Variants in CDKAL1 observed in about 807,000 individuals in gnomAD.
The protein encoded by CDKAL1 is CDKAL1 threonylcarbamoyladenosine tRNA methylthiotransferase.
Under a neutral mutation model 68.2 loss-of-function variants are expected in CDKAL1, and 32 were observed. That is an observed-to-expected ratio of 0.47 (90% CI 0.35 to 0.63). CDKAL1 has a LOEUF of 0.63. Among genes scored for constraint, CDKAL1 ranks in the 30% least tolerant of loss-of-function variants. The pLI, the probability that CDKAL1 is intolerant of heterozygous loss-of-function variation, is 0.00. For synonymous variants in CDKAL1, 234 were observed against 244.3 expected, an observed-to-expected ratio of 0.96 and a Z score of 0.39; for missense variants, 606 against 696.7, an observed-to-expected ratio of 0.87 and a Z score of 1.47.
intron 11 of CDKAL1, among the ~76,000 whole-genome samples, chr6:21,001,642 C>T (rs1367641783): frequency 1.3e-5 from 2 of 152,286 alleles, no homozygotes; most frequent in East Asian, 3.9e-4. Flanking sequence ...AAATCTTGAA[C>T]AGAACTGTGT....
At chr6:21,111,012 G>A (rs1206147248) in intron 13 of CDKAL1, among the ~76,000 whole-genome samples, 2 of 152,054 alleles carry the variant, frequency 1.3e-5, no homozygotes, top group African/African-American at 4.8e-5. Flanking sequence ...GAGCAGAGTG[G>A]ATAGGGTACA....
At chr6:20,596,382 G>A (rs1294708041) in intron 4 of CDKAL1, among the ~76,000 whole-genome samples, 1 of 152,198 alleles carries the variant, frequency 6.6e-6, no homozygotes, top group Non-Finnish European at 1.5e-5. Flanking sequence ...AATCTAGAGA[G>A]GCAGTCTGGC....
At chr6:20,638,364 T>C (rs572565627) in intron 4 of CDKAL1, among the ~76,000 whole-genome samples, 2 of 152,182 alleles carry the variant, frequency 1.3e-5, no homozygotes, top group Non-Finnish European at 2.9e-5. Flanking sequence ...TCTCAGTTCA[T>C]ATTTGTTGCC....
chr6:20,925,313 T>G (rs1392709536), intron 9 of CDKAL1, among the ~76,000 whole-genome samples: 3 of 152,224 alleles, frequency 2.0e-5, no homozygotes, highest in African/African-American at 4.8e-5. Flanking sequence ...AAAAATAACT[T>G]TTAGATGCAC....
chr6:20,831,834 T>C (rs1323003261), intron 8 of CDKAL1, among the ~76,000 whole-genome samples: 1 of 152,196 alleles, frequency 6.6e-6, no homozygotes, highest in African/African-American at 2.4e-5. Flanking sequence ...CCTTTCCAAT[T>C]TGCTTCAAAT....
chr6:20,969,913 T>C (rs1765506458), intron 10 of CDKAL1, among the ~76,000 whole-genome samples: 2 of 152,158 alleles, frequency 1.3e-5, no homozygotes, highest in East Asian at 3.8e-4. Context: ...TTTTTAGGCT[T>C]TGTATGGATA....
intron 5 of CDKAL1, among the ~76,000 whole-genome samples, chr6:20,650,345 TG>T (rs2127761391): frequency 6.6e-6 from 1 of 152,314 alleles, no homozygotes; most frequent in South Asian, 2.1e-4. Context: ...TATGTTTTTT[TG>T]CTGCATAAAT....
intron 2 of CDKAL1, among the ~76,000 whole-genome samples, chr6:20,540,105 A>G (rs540142910): frequency 1.5e-5 from 2 of 136,878 alleles, no homozygotes; most frequent in East Asian, 3.9e-4. Context: ...ACAGAGTCTC[A>G]CTCTGTTGGC....
intron 5 of CDKAL1, among the ~76,000 whole-genome samples, chr6:20,707,307 T>A (rs935813870): frequency 6.6e-6 from 1 of 152,206 alleles, no homozygotes; most frequent in African/African-American, 2.4e-5. Flanking sequence ...AAACCATTAA[T>A]CCAGTAGCAC....
At chr6:21,061,231 C>G (rs542735324) in intron 11 of CDKAL1, among the ~76,000 whole-genome samples, 21 of 152,134 alleles carry the variant, frequency 1.4e-4, no homozygotes, top group East Asian at 7.7e-4. Flanking sequence ...ATGCATAATT[C>G]GAACCTTTCT....
At chr6:21,066,342 TTCTAA>T (rs1214809304) in intron 12 of CDKAL1, among the ~76,000 whole-genome samples, 1 of 152,130 alleles carries the variant, frequency 6.6e-6, no homozygotes, top group East Asian at 1.9e-4. Context: ...TTAATTTTCT[TTCTAA>T]TCTAATCAAT....
intron 7 of CDKAL1, among the ~76,000 whole-genome samples, chr6:20,775,142 A>C (rs73732776): frequency 1.3e-5 from 2 of 152,198 alleles, no homozygotes; most frequent in South Asian, 2.1e-4. Context: ...TTGCATATCT[A>C]TTTTAGTCAC....
At chr6:20,641,817 T>G (rs934286189) in intron 4 of CDKAL1, among the ~76,000 whole-genome samples, 3 of 129,724 alleles carry the variant, frequency 2.3e-5, no homozygotes, top group Admixed American at 8.4e-5. Context: ...TATTTATATA[T>G]GTTTGTGTGT....
intron 11 of CDKAL1, among the ~76,000 whole-genome samples, chr6:21,050,940 A>C (rs114682833): frequency 1.3e-5 from 2 of 152,210 alleles, no homozygotes; most frequent in Non-Finnish European, 2.9e-5. Flanking sequence ...TTATAAGTCT[A>C]CTGTGAAAAA....
intron 4 of CDKAL1, among the ~76,000 whole-genome samples, chr6:20,591,976 C>T (rs1765610751): frequency 6.6e-6 from 1 of 152,180 alleles, no homozygotes; most frequent in Non-Finnish European, 1.5e-5. Context: ...TGGCCATTTT[C>T]ATGATATTGA....
At chr6:20,984,821 T>G (rs116115017) in intron 10 of CDKAL1, among the ~76,000 whole-genome samples, 1,238 of 97,666 alleles carry the variant, frequency 0.013, no homozygotes, top group African/African-American at 0.02. Flanking sequence ...CGGGGGGGGG[T>G]GGGGAAGGCT....
chr6:20,942,812 A>C (rs1764047580), intron 9 of CDKAL1, among the ~76,000 whole-genome samples: 3 of 150,644 alleles, frequency 2.0e-5, no homozygotes, highest in Non-Finnish European at 3.0e-5. Flanking sequence ...AAATTTAGCC[A>C]GGCATGGTGG....
Position 20,781,269 on chromosome 6 carries a change from A to G in CDKAL1, c.638+4A>G. On this transcript the variant is annotated splice_donor_region_variant and intron_variant, in intron 8 of 15. Coordinates refer to ENST00000274695, the MANE Select transcript of CDKAL1 (RefSeq NM_017774.3). ...AAATCATTTCCATCAATACCGGGTA[A>G]GCATCTCTCAAACTTGCTCATAAAA... is the stretch of plus-strand genomic sequence containing the variant. 6.2e-7 allele frequency: 1 copy of G among 1,606,292 alleles called. No individual in the cohort carries two copies. The highest frequency in any genetic ancestry group is 8.5e-7 in the Non-Finnish European group (1 of 1,177,144).
At chr6:20,733,845 A>G (rs4712538) in intron 5 of CDKAL1, among the ~76,000 whole-genome samples, 1 of 152,126 alleles carries the variant, frequency 6.6e-6, no homozygotes, top group Non-Finnish European at 1.5e-5. Flanking sequence ...TTATTATGCT[A>G]TGAATTTTAA....
Sources: gnomAD v4.1 joint callset for allele counts (sites outside exome capture counted in the v4.1 genomes callset) on GRCh38, gnomAD v4.1.1 for gene constraint, MANE v1.5 for transcripts, NCBI Gene and HGNC (gene_info 2026-07-23, HGNC 2026-07-21) for gene names.